PHACTR1: variants seen among roughly 807,000 people sequenced by gnomAD.
The protein encoded by PHACTR1 is phosphatase and actin regulator 1.
Under a neutral mutation model 69.2 loss-of-function variants are expected in PHACTR1, and 16 were observed. The observed-to-expected ratio is 0.23, with a 90% confidence interval of 0.16 to 0.35. PHACTR1 has a LOEUF of 0.35. Among genes scored for constraint, PHACTR1 ranks in the 10% least tolerant of loss-of-function variants. The probability of loss-of-function intolerance (pLI) is 1.00; values close to 1 mark genes in which losing one functional copy is unlikely to be tolerated. For missense variants in PHACTR1, 510 were observed against 734.7 expected (o/e 0.69, Z 3.54); for synonymous variants, 312 against 284.5 (o/e 1.10, Z -0.97).
chr6:13,022,482 C>T (rs1360348958), intron 4 of PHACTR1, among the ~76,000 whole-genome samples: 9 of 152,122 alleles, frequency 5.9e-5, no homozygotes, highest in East Asian at 1.9e-4. Context: ...ATTCATGACA[C>T]AAGATACTTA....
chr6:12,826,014 A>G (rs2127719239), intron 4 of PHACTR1, among the ~76,000 whole-genome samples: 1 of 152,350 alleles, frequency 6.6e-6, no homozygotes, highest in African/African-American at 2.4e-5. Context: ...ATTTTAATAG[A>G]TTGGGAGTGT....
intron 5 of PHACTR1, among the ~76,000 whole-genome samples, chr6:13,067,627 T>C (rs1296029913): frequency 6.6e-6 from 1 of 152,176 alleles, no homozygotes; most frequent in Non-Finnish European, 1.5e-5. Flanking sequence ...TGCACTCTAT[T>C]TGTTGAATAG....
chr6:13,160,902 T>A (rs1034311095), intron 6 of PHACTR1, among the ~76,000 whole-genome samples: 1 of 152,228 alleles, frequency 6.6e-6, no homozygotes, highest in African/African-American at 2.4e-5. Flanking sequence ...CCTTTGAATA[T>A]GAACGTATGC....
intron 4 of PHACTR1, among the ~76,000 whole-genome samples, chr6:12,854,515 A>G (rs925021336): frequency 4.6e-5 from 7 of 150,854 alleles, no homozygotes; most frequent in Non-Finnish European, 1.5e-5. Flanking sequence ...ATTTTTGTCC[A>G]GGGACTTCCT....
At chr6:13,143,017 G>A (rs1001689330) in intron 5 of PHACTR1, among the ~76,000 whole-genome samples, 5 of 152,142 alleles carry the variant, frequency 3.3e-5, no homozygotes, top group African/African-American at 7.2e-5. Context: ...AGAGGAAAGT[G>A]CCCAGCACAG....
chr6:12,743,861 C>CAA (rs1765407162), intron 3 of PHACTR1, among the ~76,000 whole-genome samples: 2 of 152,206 alleles, frequency 1.3e-5, no homozygotes, highest in African/African-American at 4.8e-5. Context: ...ACATTCTTCT[C>CAA]AGCACCACAT....
intron 10 of PHACTR1, among the ~76,000 whole-genome samples, chr6:13,234,097 C>T (rs1158313908): frequency 6.6e-6 from 1 of 152,208 alleles, no homozygotes; most frequent in Non-Finnish European, 1.5e-5. Context: ...GGGACTATTC[C>T]CTTTAGAACT....
At chr6:13,112,315 T>G (rs1273384155) in intron 5 of PHACTR1, among the ~76,000 whole-genome samples, 2 of 152,218 alleles carry the variant, frequency 1.3e-5, no homozygotes, top group Non-Finnish European at 2.9e-5. Context: ...TCTTTGCTAT[T>G]GTGAATAGTG....
intron 5 of PHACTR1, among the ~76,000 whole-genome samples, chr6:13,103,485 C>T (rs1418403542): frequency 6.6e-6 from 1 of 152,142 alleles, no homozygotes; most frequent in Non-Finnish European, 1.5e-5. Context: ...TTAAAATTTT[C>T]AGGACTACTA....
At chr6:13,203,597 G>A (rs1765522672) in intron 7 of PHACTR1, among the ~76,000 whole-genome samples, 2 of 152,162 alleles carry the variant, frequency 1.3e-5, no homozygotes, top group Admixed American at 6.5e-5. Flanking sequence ...TGGGAAGAGG[G>A]ATGTAATGAT....
chr6:13,013,874 G>T (rs981981592), intron 4 of PHACTR1, among the ~76,000 whole-genome samples: 1 of 148,896 alleles, frequency 6.7e-6, no homozygotes, highest in African/African-American at 2.4e-5. Flanking sequence ...GGCCCCGGGC[G>T]CCCGGGGGCC....
chr6:13,250,698 T>G (rs1211841722), intron 10 of PHACTR1, among the ~76,000 whole-genome samples: 1 of 152,204 alleles, frequency 6.6e-6, no homozygotes, highest in East Asian at 1.9e-4. Context: ...TTTTTGCAGC[T>G]GAAGCTAGAT....
chr6:13,202,176 C>G (rs1411208696), intron 7 of PHACTR1, among the ~76,000 whole-genome samples: 1 of 152,208 alleles, frequency 6.6e-6, no homozygotes, highest in Non-Finnish European at 1.5e-5. Context: ...ATTGCTGGGG[C>G]TCACTTGGCC....
intron 5 of PHACTR1, among the ~76,000 whole-genome samples, chr6:13,062,994 C>A (rs374544132): frequency 2.1e-4 from 32 of 152,300 alleles, no homozygotes; most frequent in African/African-American, 7.2e-4. Flanking sequence ...ACAGGCCTTG[C>A]ACTCTAACTT....
intron 4 of PHACTR1, among the ~76,000 whole-genome samples, chr6:13,046,393 G>T (rs933816129): frequency 6.6e-6 from 1 of 152,152 alleles, no homozygotes; most frequent in Non-Finnish European, 1.5e-5. Flanking sequence ...AGTGTCCACA[G>T]CTTGGTGCTA....
intron 5 of PHACTR1, among the ~76,000 whole-genome samples, chr6:13,070,608 A>G (rs1329696980): frequency 6.6e-6 from 1 of 152,168 alleles, no homozygotes; most frequent in Non-Finnish European, 1.5e-5. Context: ...ACAGTTACCC[A>G]TGACTTGAAA....
At chr6:12,993,304 A>G (rs1219658489) in intron 4 of PHACTR1, among the ~76,000 whole-genome samples, 2 of 152,178 alleles carry the variant, frequency 1.3e-5, no homozygotes, top group African/African-American at 4.8e-5. Context: ...GTTTTTTGCT[A>G]GGAGTTGGGA....
chr6:13,248,678 AGTAGACGGG>A (rs1773926013), intron 10 of PHACTR1, among the ~76,000 whole-genome samples: 1 of 152,202 alleles, frequency 6.6e-6, no homozygotes. Context: ...AAGGCCAATT[AGTAGACGGG>A]GCAATAACTC....
At chr6:12,729,741 A>C (rs1763249334) in intron 3 of PHACTR1, among the ~76,000 whole-genome samples, 1 of 152,230 alleles carries the variant, frequency 6.6e-6, no homozygotes, top group Non-Finnish European at 1.5e-5. Context: ...ACCAGAGGCA[A>C]GGAGAGGCAT....
Sources: gnomAD v4.1 joint callset for allele counts (sites outside exome capture counted in the v4.1 genomes callset) on GRCh38, gnomAD v4.1.1 for gene constraint, MANE v1.5 for transcripts, NCBI Gene and HGNC (gene_info 2026-07-23, HGNC 2026-07-21) for gene names.